Variants in SH3GL1 observed in about 807,000 individuals in gnomAD.
SH3GL1 encodes endophilin-A2.
A neutral mutation model predicts 48.8 loss-of-function variants in SH3GL1; 21 were observed. The observed-to-expected ratio is 0.43, with a 90% CI of 0.30 to 0.62. SH3GL1 has a LOEUF of 0.62. Among genes scored for constraint, SH3GL1 ranks in the 20% least tolerant of loss-of-function variants. The pLI, the probability that SH3GL1 is intolerant of heterozygous loss-of-function variation, is 0.11. For synonymous variants in SH3GL1, 282 were observed against 217.5 expected (o/e 1.30, Z -2.61); for missense variants, 454 against 503.0 (o/e 0.90, Z 0.93).
At position 4,361,462 on chromosome 19, in the gene SH3GL1, T is replaced by C. The variant is rs1275609732; in HGVS notation, c.*138A>G. 1.1e-5 allele frequency: 7 copies of C among 648,630 alleles called. No homozygotes were observed. Among genetic ancestry groups the C allele is most frequent in the African/African-American group, 1.8e-5 (1 of 54,904 alleles). 40.2% of individuals were successfully genotyped at this position (648,630 alleles called of 1,614,324 possible). On this transcript the variant is annotated 3_prime_UTR_variant, in exon 10 of 10. Transcript: ENST00000269886. Reference sequence around the variant, plus strand: ...CAAGTGTGGGGTCCTGCTCAGGGAGTACCTCAAGGGCCGGGGCCCAGGTGG... The same window carrying C: ...CAAGTGTGGGGTCCTGCTCAGGGAGCACCTCAAGGGCCGGGGCCCAGGTGG...
chr19:4,361,203 G>A lies in SH3GL1; in HGVS notation c.*397C>T, dbSNP rs924109440. Reference sequence around the variant, plus strand: ...ATCCTGTTAAGGCTGCGGGACTCGAGGGTAGGCAGTGGGCCGGGCCCCCGT... The same window carrying A: ...ATCCTGTTAAGGCTGCGGGACTCGAAGGTAGGCAGTGGGCCGGGCCCCCGT... On this transcript the variant is annotated 3_prime_UTR_variant, in exon 10 of 10. Coordinates refer to ENST00000269886, the MANE Select transcript of SH3GL1 (RefSeq NM_003025.4). 3.3e-6 allele frequency: 1 copy of A among 303,752 alleles called. No individual in the cohort carries two copies. The highest frequency in any genetic ancestry group is 4.7e-5 in the Admixed American group (1 of 21,210). The allele number at this position is 303,752 out of a possible 1,614,324, so 18.8% of individuals were successfully genotyped here.
chr19:4,394,874 T>C (rs1973398464), intron 1 of SH3GL1, among the ~76,000 whole-genome samples: 1 of 152,208 alleles, frequency 6.6e-6, no homozygotes, highest in Admixed American at 6.5e-5. Flanking sequence ...CTATGCATTG[T>C]AGGATGCTTG....
intron 1 of SH3GL1, among the ~76,000 whole-genome samples, chr19:4,386,971 C>T (rs1973247544): frequency 6.6e-6 from 1 of 152,230 alleles, no homozygotes; most frequent in East Asian, 1.9e-4. Context: ...GAGTCTTGCT[C>T]TGTCGCCCAG....
chr19:4,393,272 A>C (rs1271553568), intron 1 of SH3GL1, among the ~76,000 whole-genome samples: 1 of 150,974 alleles, frequency 6.6e-6, no homozygotes, highest in South Asian at 2.1e-4. Flanking sequence ...AAAACAAAAA[A>C]AACAAAAATA....
At chr19:4,390,868 C>T (rs1973325243) in intron 1 of SH3GL1, among the ~76,000 whole-genome samples, 1 of 152,094 alleles carries the variant, frequency 6.6e-6, no homozygotes, top group South Asian at 2.1e-4. Context: ...CCCCGGGCAG[C>T]GCCGAAACCT....
chr19:4,365,379 A>G (rs1217126601), intron 4 of SH3GL1, 103 bp downstream of exon 4: 3 of 1,481,078 alleles, frequency 2.0e-6, no homozygotes, highest in South Asian at 2.3e-5. Context: ...GGGCCACTGT[A>G]CGTCCCCGGC....
rs948217432 is a variant in SH3GL1 at position 4,361,432 on chromosome 19, C to A, written c.*168G>T. 17 of 602,130 alleles carry A rather than the reference C, an allele frequency of 2.8e-5. No homozygotes were observed. The highest frequency in any genetic ancestry group is 4.7e-5 in the Non-Finnish European group (16 of 340,804). The allele number at this position is 602,130 out of a possible 1,614,324, so 37.3% of individuals were successfully genotyped here. ...TCCCCACCCACCCAGATAAGCCCCC[C>A]CACCCAAGTGTGGGGTCCTGCTCAG... On this transcript the variant is annotated 3_prime_UTR_variant, in exon 10 of 10. Transcript: ENST00000269886.
At chr19:4,380,639 T>C (rs977312295) in intron 1 of SH3GL1, among the ~76,000 whole-genome samples, 1 of 152,186 alleles carries the variant, frequency 6.6e-6, no homozygotes, top group African/African-American at 2.4e-5. Context: ...AATTGTCAAC[T>C]GTCTTCAGGA....
chr19:4,374,712 C>T (rs921560890), intron 1 of SH3GL1, among the ~76,000 whole-genome samples: 1 of 152,240 alleles, frequency 6.6e-6, no homozygotes, highest in African/African-American at 2.4e-5. Context: ...CGGCCTCTCC[C>T]CTGCTGTCCC....
At chr19:4,391,653 A>AG (rs1973339203) in intron 1 of SH3GL1, among the ~76,000 whole-genome samples, 1 of 152,188 alleles carries the variant, frequency 6.6e-6, no homozygotes, top group African/African-American at 2.4e-5. Flanking sequence ...AACCCTGTGA[A>AG]GGGGGCCAGG....
chr19:4,367,550 G>C lies in SH3GL1; in HGVS notation c.46-556C>G, dbSNP rs1016920692. ...GCTCTGGTGCCCGTGTCTGCAGGAT[G>C]GGACAGCCCAGCCCTTGCCCCATGT... On this transcript the variant is annotated intron_variant, in intron 1 of 9. Transcript: ENST00000269886. This position sits in a 1 kb window ranked among gnomAD's most constrained non-coding sequence, Gnocchi z 4.2. 1.6e-4 allele frequency among the ~76,000 whole-genome samples: 25 copies of C among 152,170 alleles called. No individual in the cohort carries two copies. The highest frequency in any genetic ancestry group is 3.4e-4 in the Non-Finnish European group (23 of 68,028).
chr19:4,361,817 TGGGGCTGG>T, intron 9 of SH3GL1, 21 bp from the exon 10 acceptor site: 1 of 1,547,668 alleles, frequency 6.5e-7, no homozygotes, highest in Non-Finnish European at 8.8e-7. Context: ...GAGCGGGCTG[TGGGGCTGG>T]GGCTGCTACG....
At chr19:4,384,761 T>C (rs1599614026) in intron 1 of SH3GL1, among the ~76,000 whole-genome samples, 1 of 152,042 alleles carries the variant, frequency 6.6e-6, no homozygotes, top group Admixed American at 6.5e-5. Flanking sequence ...CGGATGCGAG[T>C]GGAGCCTCGT....
intron 1 of SH3GL1, among the ~76,000 whole-genome samples, chr19:4,370,963 T>C (rs1034216828): frequency 1.3e-5 from 2 of 152,228 alleles, no homozygotes; most frequent in East Asian, 3.9e-4. Flanking sequence ...ACCTGCCCAC[T>C]CTATGCTCAC....
chr19:4,362,101 G>T (rs1972633696), intron 9 of SH3GL1, among the ~76,000 whole-genome samples: 1 of 152,244 alleles, frequency 6.6e-6, no homozygotes, highest in African/African-American at 2.4e-5. Flanking sequence ...CCACCACACA[G>T]CCTAGAGCTA....
At chr19:4,363,963 C>G (rs112536459) in intron 5 of SH3GL1, 85 bp from the exon 6 acceptor site, 38,278 of 1,604,274 alleles carry the variant, frequency 0.024, 552 homozygotes, top group African/African-American at 0.047. Context: ...CCCTGCACCA[C>G]TGGGGATCCT....
intron 1 of SH3GL1, among the ~76,000 whole-genome samples, chr19:4,382,447 C>T (rs1490228694): frequency 9.9e-5 from 15 of 151,640 alleles, no homozygotes; most frequent in Non-Finnish European, 1.5e-4. Flanking sequence ...TTAGTAGAGA[C>T]GGGGTTTCAC....
intron 1 of SH3GL1, among the ~76,000 whole-genome samples, chr19:4,374,775 G>A (rs1972972928): frequency 6.6e-6 from 1 of 152,178 alleles, no homozygotes; most frequent in South Asian, 2.1e-4. Context: ...AGGTGACTCA[G>A]CAGTCCTTGG....
intron 1 of SH3GL1, among the ~76,000 whole-genome samples, chr19:4,388,326 G>A (rs1206580518): frequency 2.6e-5 from 4 of 152,218 alleles, no homozygotes; most frequent in South Asian, 2.1e-4. Flanking sequence ...GGGCATCACC[G>A]CTGGCCAGCT....
Sources: allele counts gnomAD v4.1 joint callset (sites outside exome capture counted in the v4.1 genomes callset), GRCh38; gene constraint gnomAD v4.1.1; non-coding constraint Gnocchi (gnomAD v3.1); transcripts MANE v1.5; gene names NCBI Gene and HGNC (gene_info 2026-07-23, HGNC 2026-07-21).